The following SEH1L variants were observed in gnomAD, a reference collection of about 807,000 sequenced individuals.
The protein encoded by SEH1L is nucleoporin SEH1.
In SEH1L, 18 loss-of-function variants were observed where a neutral mutation model predicts 49.5. That is an observed-to-expected ratio of 0.36 (90% CI 0.25 to 0.54). The LOEUF (loss-of-function observed/expected upper bound fraction) is 0.54, where lower values mean the gene tolerates loss of function less well. Among genes scored for constraint, SEH1L ranks in the 20% least tolerant of loss-of-function variants. SEH1L has a pLI of 0.87. For synonymous variants in SEH1L, 169 were observed against 178.1 expected (o/e 0.95, Z 0.41); for missense variants, 404 against 528.8 (o/e 0.76, Z 2.31).
At chr18:12,956,890 AC>A (rs2030893917) in intron 3 of SEH1L, among the ~76,000 whole-genome samples, 1 of 152,132 alleles carries the variant, frequency 6.6e-6, no homozygotes, top group Admixed American at 6.5e-5. Context: ...ACATGGTGAA[AC>A]CCTGTCTCTA....
chr18:12,953,436 G>T (rs1273989090), intron 2 of SEH1L, among the ~76,000 whole-genome samples: 1 of 152,178 alleles, frequency 6.6e-6, no homozygotes, highest in Non-Finnish European at 1.5e-5. Flanking sequence ...CTTCCAAAGT[G>T]GCTGTGCCCA....
chr18:12,982,904 C>G, intron 7 of SEH1L: 1 of 370,496 alleles, frequency 2.7e-6, no homozygotes, highest in Middle Eastern at 7.6e-4. Flanking sequence ...AAAGTAATTA[C>G]AACAGAATAT....
chr18:12,974,570 G>GC (rs1598968225), intron 5 of SEH1L: 6 of 152,088 alleles, frequency 3.9e-5, no homozygotes, highest in Admixed American at 3.9e-4. Flanking sequence ...GAGCCACCAC[G>GC]CCCGGCCTGT....
rs917470754 is a variant in SEH1L at position 12,975,564 on chromosome 18, G to T, written c.621-3188G>T. Among the ~76,000 whole-genome samples, 19 of 151,912 alleles carry T rather than the reference G, an allele frequency of 1.3e-4. No individual in the cohort carries two copies. In the East Asian group the frequency reaches 3.7e-3, roughly 30 times the overall value. On this transcript the variant is annotated intron_variant, in intron 5 of 8. Transcript: ENST00000399892. Reference sequence around the variant, plus strand: ...GCAGGAGCAAAGACAAGGGCGTGGGGTCGAGGCGGTGGGTGGGGAGGCTAA... The same window carrying T: ...GCAGGAGCAAAGACAAGGGCGTGGGTTCGAGGCGGTGGGTGGGGAGGCTAA...
chr18:12,982,962 A>G (rs2032330403), intron 7 of SEH1L: 1 of 204,626 alleles, frequency 4.9e-6, no homozygotes, highest in African/African-American at 2.3e-5. Context: ...TGTACCTTAC[A>G]TGACTGCTCT....
chr18:12,962,378 A>C (rs1273483019), intron 3 of SEH1L, among the ~76,000 whole-genome samples: 1 of 139,704 alleles, frequency 7.2e-6, no homozygotes, highest in Non-Finnish European at 1.5e-5. Flanking sequence ...TGTCCCTAAG[A>C]AAAAAAAAAA....
intron 8 of SEH1L, chr18:12,986,063 A>G (rs1399932010): frequency 2.0e-6 from 2 of 983,298 alleles, no homozygotes; most frequent in Non-Finnish European, 2.4e-6. Context: ...TTGGACACAC[A>G]CTATTAAGAG....
intron 4 of SEH1L, among the ~76,000 whole-genome samples, chr18:12,967,167 A>G (rs1289089935): frequency 6.6e-6 from 1 of 152,250 alleles, no homozygotes; most frequent in African/African-American, 2.4e-5. Flanking sequence ...AATACTGAAT[A>G]CCGAATTGCT....
At chr18:12,984,480 G>A (rs1356465621) in intron 8 of SEH1L, among the ~76,000 whole-genome samples, 2 of 152,210 alleles carry the variant, frequency 1.3e-5, no homozygotes, top group Non-Finnish European at 2.9e-5. Context: ...GTGAGAGGAA[G>A]GTTATCTGGT....
intron 4 of SEH1L, among the ~76,000 whole-genome samples, chr18:12,968,224 C>T (rs12604345): frequency 0.27 from 41,521 of 152,014 alleles, 6,370 homozygotes; most frequent in East Asian, 0.56. Flanking sequence ...CTTACTCTCT[C>T]AACTAGGGAG....
At chr18:12,974,038 A>T (rs558761648) in intron 5 of SEH1L, 1 of 152,348 alleles carries the variant, frequency 6.6e-6, no homozygotes, top group Admixed American at 6.5e-5. Context: ...GTGAGACAGC[A>T]AGTGTCTGGC....
chr18:12,955,594 A>G lies in SEH1L; in HGVS notation c.294A>G (p.Arg98=). 1 of 1,614,148 alleles carries G rather than the reference A, an allele frequency of 6.2e-7. No homozygotes were observed. Among genetic ancestry groups the G allele is most frequent in the East Asian group, 2.2e-5 (1 of 44,878 alleles). ...EIVGESNDKL[R]GQSHWVKRTT... ...TAGGAGAATCAAATGATAAACTGCG[A>G]GGACAGAGCCACTGGGTGAGACATT... The change falls in exon 3 of 9, where the codon CGA becomes CGG. Residue 98 remains arginine, a synonymous_variant. Transcript: ENST00000399892.
chr18:12,959,620 A>G (rs913331825), intron 3 of SEH1L, among the ~76,000 whole-genome samples: 34 of 152,198 alleles, frequency 2.2e-4, no homozygotes, highest in African/African-American at 7.5e-4. Flanking sequence ...GATATGCACA[A>G]CCTGTAAATG....
At chr18:12,975,613 G>A in intron 5 of SEH1L, 1 of 677,214 alleles carries the variant, frequency 1.5e-6, no homozygotes, top group African/African-American at 2.0e-5. Context: ...CAGGGGAGGG[G>A]CAGGCCAACA....
intron 5 of SEH1L, chr18:12,977,984 A>C (rs2145655633): frequency 6.6e-6 from 1 of 152,156 alleles, no homozygotes; most frequent in East Asian, 1.9e-4. Flanking sequence ...GTGCACCACC[A>C]TGCCCAGCTA....
chr18:12,950,738 T>TA (rs2030471371), intron 1 of SEH1L, among the ~76,000 whole-genome samples: 2 of 152,230 alleles, frequency 1.3e-5, no homozygotes, highest in African/African-American at 4.8e-5. Context: ...ATTGATTTGA[T>TA]AGTGTTATTG....
chr18:12,969,054 T>C (rs2031572273), intron 4 of SEH1L, among the ~76,000 whole-genome samples: 1 of 151,818 alleles, frequency 6.6e-6, no homozygotes, highest in Admixed American at 6.6e-5. Context: ...CTACTAAAAA[T>C]ACAAAATTAG....
intron 3 of SEH1L, among the ~76,000 whole-genome samples, chr18:12,960,200 CAAAG>C (rs2031104356): frequency 6.6e-6 from 1 of 152,130 alleles, no homozygotes; most frequent in Non-Finnish European, 1.5e-5. Flanking sequence ...TCTTGATTGA[CAAAG>C]AAGCAGTACA....
At chr18:12,980,351 G>A (rs1388234936) in intron 6 of SEH1L, among the ~76,000 whole-genome samples, 1 of 124,386 alleles carries the variant, frequency 8.0e-6, no homozygotes, top group Non-Finnish European at 1.7e-5. Context: ...CCCGGACAGG[G>A]CGGCTGGCAG....
Sources: gnomAD v4.1 joint callset for allele counts (sites outside exome capture counted in the v4.1 genomes callset) on GRCh38, gnomAD v4.1.1 for gene constraint, MANE v1.5 for transcripts, NCBI Gene and HGNC (gene_info 2026-07-23, HGNC 2026-07-21) for gene names.